BBS9: variants seen among roughly 807,000 people sequenced by gnomAD.
The protein encoded by BBS9 is protein PTHB1.
A neutral mutation model predicts 117.7 loss-of-function variants in BBS9; 89 were observed. The observed-to-expected ratio is 0.76, with a 90% CI of 0.64 to 0.90. The LOEUF (loss-of-function observed/expected upper bound fraction) is 0.90, where lower values mean the gene tolerates loss of function less well. BBS9 is among the 40% of genes least tolerant of loss of function. The pLI, the probability that BBS9 is intolerant of heterozygous loss-of-function variation, is 0.00. For missense variants in BBS9, 982 were observed against 1,042.2 expected, an observed-to-expected ratio of 0.94 and a Z score of 0.80; for synonymous variants, 379 against 370.9, an observed-to-expected ratio of 1.02 and a Z score of -0.25.
chr7:33,284,218 A>C (rs1171654633), intron 9 of BBS9, among the ~76,000 whole-genome samples: 1 of 152,118 alleles, frequency 6.6e-6, no homozygotes, highest in Non-Finnish European at 1.5e-5. Flanking sequence ...AGAATTTAAG[A>C]TATTTGGTAG....
chr7:33,516,043 G>A (rs371589736), intron 20 of BBS9, among the ~76,000 whole-genome samples: 4 of 152,164 alleles, frequency 2.6e-5, no homozygotes, highest in Admixed American at 6.5e-5. Flanking sequence ...GTCAGTGGAC[G>A]TGACATAATA....
chr7:33,193,867 T>C (rs1784549516), intron 5 of BBS9, among the ~76,000 whole-genome samples: 1 of 152,214 alleles, frequency 6.6e-6, no homozygotes, highest in African/African-American at 2.4e-5. Context: ...CAGTTTTCCT[T>C]GAGTCAGTGC....
At chr7:33,571,353 G>GA (rs142288865) in intron 21 of BBS9, among the ~76,000 whole-genome samples, 4 of 151,720 alleles carry the variant, frequency 2.6e-5, no homozygotes, top group South Asian at 2.1e-4. Context: ...ATAGAATAGA[G>GA]AAAAAACAGA....
chr7:33,631,587 C>A (rs1865891482), intron 21 of BBS9, among the ~76,000 whole-genome samples: 1 of 152,210 alleles, frequency 6.6e-6, no homozygotes, highest in Non-Finnish European at 1.5e-5. Context: ...TGCATGGACG[C>A]AACTTGGCCA....
chr7:33,335,444 TAACA>T, intron 9 of BBS9, among the ~76,000 whole-genome samples: 1 of 152,272 alleles, frequency 6.6e-6, no homozygotes, highest in East Asian at 1.9e-4. Context: ...GTAGAAAACC[TAACA>T]AACAAAAGTG....
In BBS9 at chr7:33,343,503, G is replaced by A. The variant is rs547383184; in HGVS notation, c.1276-1078G>A. On this transcript the variant is annotated intron_variant, in intron 11 of 22. Transcript: ENST00000242067. ...TTCCTTCCATTCCCCTCCCCTCCCC[G>A]CCCCTTTATTTTTGAGACAGAGTCT... Among the ~76,000 whole-genome samples, 7 of 143,914 alleles carry A rather than the reference G, an allele frequency of 4.9e-5. No homozygotes were observed. The South Asian group carries it at 9.9e-4, about 20-fold the overall frequency. 94.4% of individuals were successfully genotyped at this position (143,914 alleles called of 152,430 possible). A position where few individuals can be genotyped will look rare whatever the true frequency, so the allele number is the denominator to read the frequency against.
At chr7:33,570,503 T>C (rs1857602684) in intron 21 of BBS9, among the ~76,000 whole-genome samples, 1 of 152,100 alleles carries the variant, frequency 6.6e-6, no homozygotes, top group South Asian at 2.1e-4. Flanking sequence ...AATGAGAGAA[T>C]GTAAAATCAC....
chr7:33,623,113 A>G (rs899825036), intron 21 of BBS9, among the ~76,000 whole-genome samples: 4 of 152,168 alleles, frequency 2.6e-5, no homozygotes, highest in African/African-American at 7.2e-5. Context: ...GATAAAAATC[A>G]TGTCATAAAG....
intron 21 of BBS9, among the ~76,000 whole-genome samples, chr7:33,581,755 A>C (rs975546535): frequency 6.6e-6 from 1 of 152,166 alleles, no homozygotes; most frequent in Non-Finnish European, 1.5e-5. Flanking sequence ...ATCTCATTTT[A>C]TCCTTACAAG....
chr7:33,364,655 C>G (rs1295496671), intron 16 of BBS9, among the ~76,000 whole-genome samples: 1 of 92,508 alleles, frequency 1.1e-5, no homozygotes, highest in Non-Finnish European at 2.1e-5. Context: ...CCCCTCCTCT[C>G]CACTCCCCTT....
chr7:33,538,392 A>C (rs766914237), intron 21 of BBS9, among the ~76,000 whole-genome samples: 1 of 152,254 alleles, frequency 6.6e-6, no homozygotes, highest in Non-Finnish European at 1.5e-5. Flanking sequence ...GAGAAAAGAC[A>C]GTATGAATCT....
chr7:33,150,903 C>T (rs976355879), intron 2 of BBS9, among the ~76,000 whole-genome samples: 11 of 152,250 alleles, frequency 7.2e-5, no homozygotes, highest in Non-Finnish European at 1.5e-4. Context: ...TGAGTTTAGT[C>T]AGGAGTCACA....
intron 19 of BBS9, among the ~76,000 whole-genome samples, chr7:33,408,601 T>C (rs1584711184): frequency 6.6e-6 from 1 of 152,226 alleles, no homozygotes; most frequent in Admixed American, 6.5e-5. Context: ...ATTTTCTTTA[T>C]GTAGTTCACT....
intron 19 of BBS9, among the ~76,000 whole-genome samples, chr7:33,504,478 C>T (rs904175687): frequency 1.3e-5 from 2 of 152,038 alleles, no homozygotes; most frequent in African/African-American, 2.4e-5. Flanking sequence ...GTCAATAAAC[C>T]GTGAAATATC....
intron 21 of BBS9, among the ~76,000 whole-genome samples, chr7:33,559,378 T>C (rs1363632756): frequency 1.3e-5 from 2 of 152,274 alleles, no homozygotes; most frequent in Admixed American, 1.3e-4. Context: ...TCTTTAAGAA[T>C]GGAGTTAGCC....
At chr7:33,360,530 T>TG (rs1011739692) in intron 16 of BBS9, among the ~76,000 whole-genome samples, 5 of 150,888 alleles carry the variant, frequency 3.3e-5, no homozygotes, top group Non-Finnish European at 5.9e-5. Flanking sequence ...ATACCTTTTT[T>TG]TTTTTTTTGA....
chr7:33,520,392 C>T (rs892220933), intron 20 of BBS9, among the ~76,000 whole-genome samples: 1 of 152,158 alleles, frequency 6.6e-6, no homozygotes, highest in African/African-American at 2.4e-5. Flanking sequence ...AAAAGATAAA[C>T]TTTAGAGAGA....
At chr7:33,436,092 G>A (rs563446873) in intron 19 of BBS9, among the ~76,000 whole-genome samples, 1 of 152,290 alleles carries the variant, frequency 6.6e-6, no homozygotes, top group South Asian at 2.1e-4. Flanking sequence ...AGACAGGTCA[G>A]CTCGCTAACT....
At chr7:33,410,233 G>C (rs1830866491) in intron 19 of BBS9, among the ~76,000 whole-genome samples, 1 of 152,172 alleles carries the variant, frequency 6.6e-6, no homozygotes, top group Admixed American at 6.5e-5. Flanking sequence ...TTATTTTCAT[G>C]TTCCCTGTTC....
Sources: allele counts gnomAD v4.1 joint callset (sites outside exome capture counted in the v4.1 genomes callset), GRCh38; gene constraint gnomAD v4.1.1; transcripts MANE v1.5; gene names NCBI Gene and HGNC (gene_info 2026-07-23, HGNC 2026-07-21).